Variants in PTGS1 observed in about 807,000 individuals in gnomAD.
The protein encoded by PTGS1 is prostaglandin-endoperoxide synthase 1.
PTGS1 carries 40 observed loss-of-function variants against 63.0 expected under a neutral mutation model. The observed-to-expected ratio is 0.63, with a 90% CI of 0.49 to 0.83. The LOEUF (loss-of-function observed/expected upper bound fraction) is 0.83, where lower values mean the gene tolerates loss of function less well. Ranked by LOEUF, PTGS1 falls within the 40% of genes least tolerant of loss-of-function variation. The pLI, the probability that PTGS1 is intolerant of heterozygous loss-of-function variation, is 0.00. For missense variants in PTGS1, 709 were observed against 786.5 expected (o/e 0.90, Z 1.18); for synonymous variants, 298 against 301.9 (o/e 0.99, Z 0.13).
intron 7 of PTGS1, among the ~76,000 whole-genome samples, chr9:122,383,195 AGTTT>A (rs1350433854): frequency 2.4e-5 from 3 of 123,814 alleles, no homozygotes; most frequent in African/African-American, 4.0e-5. Context: ...TTTTTTTTTA[AGTTT>A]TTTTTTTCTT....
chr9:122,373,260 C>T (rs1005931833), intron 2 of PTGS1, among the ~76,000 whole-genome samples: 1 of 152,140 alleles, frequency 6.6e-6, no homozygotes, highest in Non-Finnish European at 1.5e-5. Context: ...TAGGAAAGAA[C>T]GAATGACTGG....
At chr9:122,383,183 T>G (rs1336953029) in intron 7 of PTGS1, among the ~76,000 whole-genome samples, 30 of 140,646 alleles carry the variant, frequency 2.1e-4, no homozygotes, top group East Asian at 1.2e-3. Context: ...ATTTGTTGTT[T>G]TTTTTTTTTT....
intron 10 of PTGS1, among the ~76,000 whole-genome samples, chr9:122,391,430 T>TATATATATACATATATATATATATATAC (rs1564147754): frequency 2.9e-3 from 73 of 25,370 alleles, no homozygotes; most frequent in Non-Finnish European, 0.012. Context: ...TATATATACA[T>TATATATATACATATATATATATATATAC]ATATATATAT....
At chr9:122,375,560 G>A (rs1289554222) in intron 2 of PTGS1, 2 of 900,650 alleles carry the variant, frequency 2.2e-6, no homozygotes, top group Non-Finnish European at 2.7e-6. Context: ...CCTGTGCTGG[G>A]GGAAGAGAAA....
rs1312652755 is a variant in PTGS1, at chr9:122,390,075, C to T, written c.1297-123C>T. 2.5e-6 allele frequency: 3 copies of T among 1,201,202 alleles called. No homozygotes were observed. In the African/African-American group the frequency reaches 4.6e-5, roughly 18 times the overall value. 74.4% of individuals were successfully genotyped at this position (1,201,202 alleles called of 1,614,324 possible). A position where few individuals can be genotyped will look rare whatever the true frequency, so the allele number is the denominator to read the frequency against. On this transcript the variant is annotated intron_variant, in intron 9 of 10. Transcript: ENST00000362012. ...TGCAGCATCACAACTGCTAGGCTGC[C>T]CAACACTCTCCATCCTAGCTCAGAA...
chr9:122,378,723 A>G (rs1708695167), intron 4 of PTGS1, 52 bp from the exon 5 acceptor site: 2 of 1,609,670 alleles, frequency 1.2e-6, no homozygotes, highest in Middle Eastern at 1.7e-4. Context: ...AAGAACTGGG[A>G]TGGAGCTGGG....
chr9:122,390,130 G>A (rs1838118499), intron 9 of PTGS1, 68 bp from the exon 10 acceptor site: 1 of 1,553,872 alleles, frequency 6.4e-7, no homozygotes, highest in Non-Finnish European at 8.7e-7. Context: ...CTTGTCCCAG[G>A]AACTTACCCA....
rs751086028 is a variant in PTGS1, at chr9:122,392,449, C to G, written c.1705C>G (p.Leu569Val). 1.9e-6 allele frequency: 3 copies of G among 1,614,178 alleles called. No homozygotes were observed. Among genetic ancestry groups the G allele is most frequent in the South Asian group, 1.1e-5 (1 of 91,078 alleles). The stretch of plus-strand genomic sequence containing the variant: ...GGCCACACTGAAGAAGCTGGTCTGC[C>G]TCAACACCAAGACCTGTCCCTACGT... ...KTATLKKLVC[L>V]NTKTCPYVSF... The change falls in exon 11 of 11, where the codon CTC becomes GTC. Residue 569 changes from leucine to valine, a missense_variant. Transcript: ENST00000362012.
At position 122,377,921 on chromosome 9, in the gene PTGS1, A is replaced by G; in HGVS notation, c.117A>G (p.Pro39=). The part of the protein sequence containing the change: ...PTPVNPCCYY[P]CQHQGICVRF... ...CAGTGAATCCCTGTTGTTACTATCC[A>G]TGCCAGCACCAGGGCATCTGTGTCC... Residue 39 remains proline, a synonymous_variant, in exon 3 of 11, where the codon CCA becomes CCG. Coordinates refer to ENST00000362012, the MANE Select transcript of PTGS1 (RefSeq NM_000962.4). 1 of 1,614,086 alleles carries G rather than the reference A, an allele frequency of 6.2e-7. No homozygotes were observed. Among genetic ancestry groups the G allele is most frequent in the Non-Finnish European group, 8.5e-7 (1 of 1,179,996 alleles).
At chr9:122,382,881 T>C (rs1366909245) in intron 7 of PTGS1, among the ~76,000 whole-genome samples, 1 of 152,170 alleles carries the variant, frequency 6.6e-6, no homozygotes, top group African/African-American at 2.4e-5. Context: ...CCTAGGAAGT[T>C]ACAAATAAAC....
chr9:122,371,763 C>T lies in PTGS1; in HGVS notation c.94+491C>T. ...CGGGAGAACATGGGAGATGGAAATA[C>T]ATTTAGGAGCCGGGATGCTTCATCT... On this transcript the variant is annotated intron_variant, in intron 2 of 10. Transcript: ENST00000362012. 2.6e-6 allele frequency: 4 copies of T among 1,533,070 alleles called. No homozygotes were observed. In the South Asian group the frequency reaches 3.6e-5, roughly 14 times the overall value. The allele number at this position is 1,533,070 out of a possible 1,614,324, so 95.0% of individuals were successfully genotyped here.
At chr9:122,371,462 T>C (rs576098721) in intron 2 of PTGS1, among the ~76,000 whole-genome samples, 190 bp downstream of exon 2, 1 of 152,368 alleles carries the variant, frequency 6.6e-6, no homozygotes, top group Non-Finnish European at 1.5e-5. Context: ...CCTTGGCTAA[T>C]GGGCTATCTA....
intron 2 of PTGS1, among the ~76,000 whole-genome samples, chr9:122,373,290 G>T (rs564416682): frequency 1.3e-5 from 2 of 152,330 alleles, no homozygotes; most frequent in East Asian, 3.9e-4. Context: ...GGGGCAGAAG[G>T]TCTGGGTTGC....
chr9:122,390,876 G>A (rs1040802955), intron 10 of PTGS1, among the ~76,000 whole-genome samples: 2 of 152,018 alleles, frequency 1.3e-5, no homozygotes, highest in Non-Finnish European at 2.9e-5. Context: ...CAGCCTGGGC[G>A]ACAGAGCGAG....
In PTGS1 at chr9:122,390,297, C is replaced by T. The variant is rs200149499; in HGVS notation, c.1396C>T (p.Arg466Cys). 9 of 1,614,164 alleles carry T rather than the reference C, an allele frequency of 5.6e-6. No individual in the cohort carries two copies. The highest frequency in any genetic ancestry group is 1.7e-5 in the Admixed American group (1 of 60,030). Reference sequence around the variant, plus strand: ...GCGGCTGCAGCCCTTCAATGAGTACCGCAAGAGGTTTGGCATGAAACCCTA... The same window carrying T: ...GCGGCTGCAGCCCTTCAATGAGTACTGCAAGAGGTTTGGCATGAAACCCTA... ...EMRLQPFNEY[R>C]KRFGMKPYTS... is the part of the protein sequence containing the mutation. The change falls in exon 10 of 11, where the codon CGC (arginine) becomes TGC (cysteine). Residue 466 changes from arginine to cysteine, a missense_variant. Physicochemically the swap from Arg to Cys is radical, Grantham distance 180. Transcript: ENST00000362012.
At chr9:122,372,609 G>A (rs552638867) in intron 2 of PTGS1, 2 of 152,268 alleles carry the variant, frequency 1.3e-5, no homozygotes, top group African/African-American at 4.8e-5. Flanking sequence ...GGCTCTTCAG[G>A]TTGCCTCGCT....
chr9:122,395,446 A>G lies in PTGS1; in HGVS notation c.*2902A>G, dbSNP rs1212230415. 1 of 152,148 alleles carries G rather than the reference A, an allele frequency of 6.6e-6. No homozygotes were observed. The highest frequency in any genetic ancestry group is 1.5e-5 in the Non-Finnish European group (1 of 68,024). 9.4% of individuals were successfully genotyped at this position (152,148 alleles called of 1,614,324 possible). A position where few individuals can be genotyped will look rare whatever the true frequency, so the allele number is the denominator to read the frequency against. Reference sequence around the variant, plus strand: ...GTGTGGCTGTGAAGGTATTTTGTAGATGTGATTAACATCTACAATCAGTTG... The same window carrying G: ...GTGTGGCTGTGAAGGTATTTTGTAGGTGTGATTAACATCTACAATCAGTTG... On this transcript the variant is annotated 3_prime_UTR_variant, in exon 11 of 11. Transcript: ENST00000362012.
chr9:122,387,475 G>A (rs1458477488), intron 9 of PTGS1, among the ~76,000 whole-genome samples: 1 of 152,184 alleles, frequency 6.6e-6, no homozygotes, highest in Non-Finnish European at 1.5e-5. Flanking sequence ...TGCATTTGGA[G>A]ACAAGGTCTT....
intron 2 of PTGS1, among the ~76,000 whole-genome samples, chr9:122,373,736 G>A (rs887459446): frequency 3.0e-4 from 45 of 152,322 alleles, no homozygotes; most frequent in East Asian, 1.9e-4. Context: ...TCTGTGGGCC[G>A]GGAGAGGGCT....
Sources: gnomAD v4.1 joint callset for allele counts (sites outside exome capture counted in the v4.1 genomes callset) on GRCh38, gnomAD v4.1.1 for gene constraint, MANE v1.5 for transcripts, NCBI Gene and HGNC (gene_info 2026-07-23, HGNC 2026-07-21) for gene names.